Variants in AP3B1 observed in about 807,000 individuals in gnomAD.
AP3B1 encodes the protein adaptor related protein complex 3 subunit beta 1.
Under a neutral mutation model 132.5 loss-of-function variants are expected in AP3B1, and 61 were observed. The observed-to-expected ratio is 0.46, with a 90% CI of 0.37 to 0.57. The LOEUF is 0.57. Among genes scored for constraint, AP3B1 ranks in the 20% least tolerant of loss-of-function variants. The probability of loss-of-function intolerance (pLI) is 0.00; values close to 1 mark genes in which losing one functional copy is unlikely to be tolerated. For synonymous variants in AP3B1, 388 were observed against 438.3 expected (o/e 0.89, Z 1.43); for missense variants, 1,120 against 1,289.4 (o/e 0.87, Z 2.01).
intron 22 of AP3B1, among the ~76,000 whole-genome samples, chr5:78,048,717 G>A (rs1748449899): frequency 6.6e-6 from 1 of 152,192 alleles, no homozygotes; most frequent in African/African-American, 2.4e-5. Flanking sequence ...GATGGTTCTT[G>A]ATGCCCAGAC....
chr5:78,186,996 C>T (rs1040608442), intron 7 of AP3B1, among the ~76,000 whole-genome samples: 13 of 152,134 alleles, frequency 8.5e-5, no homozygotes, highest in African/African-American at 3.1e-4. Flanking sequence ...AAAATTTATA[C>T]TCTTTGAAAA....
intron 22 of AP3B1, among the ~76,000 whole-genome samples, chr5:78,069,346 G>C (rs1749433250): frequency 6.6e-6 from 1 of 152,180 alleles, no homozygotes; most frequent in Non-Finnish European, 1.5e-5. Flanking sequence ...CTTATATCTA[G>C]AAAACCCATC....
At chr5:78,029,225 T>C (rs1323747881) in intron 24 of AP3B1, among the ~76,000 whole-genome samples, 1 of 152,226 alleles carries the variant, frequency 6.6e-6, no homozygotes, top group African/African-American at 2.4e-5. Context: ...AGTATTTGTA[T>C]TGTTTTCTGC....
chr5:78,146,661 T>TGATCC (rs1753410591), intron 14 of AP3B1, among the ~76,000 whole-genome samples: 2 of 152,172 alleles, frequency 1.3e-5, no homozygotes, highest in Admixed American at 1.3e-4. Context: ...TGATCCCTCT[T>TGATCC]CTGTTTTGAT....
chr5:78,108,871 T>C (rs939343843), intron 20 of AP3B1, among the ~76,000 whole-genome samples: 2 of 152,146 alleles, frequency 1.3e-5, no homozygotes, highest in African/African-American at 4.8e-5. Context: ...ACAGAGGCAC[T>C]GAAGTCTATA....
intron 24 of AP3B1, among the ~76,000 whole-genome samples, chr5:78,024,561 A>ATTTTTTT (rs70997962): frequency 1.8e-5 from 2 of 113,478 alleles, no homozygotes; most frequent in Non-Finnish European, 3.5e-5. Flanking sequence ...AGCTAATTTA[A>ATTTTTTT]TTTTTTTTTT....
intron 3 of AP3B1, among the ~76,000 whole-genome samples, chr5:78,237,304 T>C (rs1404464552): frequency 6.6e-6 from 1 of 151,924 alleles, no homozygotes; most frequent in Non-Finnish European, 1.5e-5. Flanking sequence ...AACACCAGCC[T>C]GGGCAACATG....
chr5:78,094,718 T>C (rs967469624), intron 21 of AP3B1, among the ~76,000 whole-genome samples: 1 of 152,116 alleles, frequency 6.6e-6, no homozygotes, highest in African/African-American at 2.4e-5. Flanking sequence ...TATCACTCTG[T>C]CACCCAGGCT....
chr5:78,280,592 T>C (rs1180021498), intron 1 of AP3B1, among the ~76,000 whole-genome samples: 1 of 152,206 alleles, frequency 6.6e-6, no homozygotes, highest in Non-Finnish European at 1.5e-5. Context: ...AAGAAATTCA[T>C]AAACTATAGT....
At chr5:78,168,826 T>A (rs1446126400) in intron 11 of AP3B1, among the ~76,000 whole-genome samples, 1 of 152,228 alleles carries the variant, frequency 6.6e-6, no homozygotes, top group Non-Finnish European at 1.5e-5. Flanking sequence ...TATCACATAC[T>A]GTATTAAGTT....
chr5:78,022,289 A>G (rs1295095367), intron 24 of AP3B1, among the ~76,000 whole-genome samples: 3 of 152,188 alleles, frequency 2.0e-5, no homozygotes, highest in Non-Finnish European at 4.4e-5. Flanking sequence ...CGGGAGGGAA[A>G]GAAATTACAC....
At chr5:78,148,577 T>C (rs1753512883) in intron 14 of AP3B1, among the ~76,000 whole-genome samples, 1 of 152,196 alleles carries the variant, frequency 6.6e-6, no homozygotes, top group Non-Finnish European at 1.5e-5. Flanking sequence ...TTCCTGAATA[T>C]TCAATGTTTT....
intron 24 of AP3B1, among the ~76,000 whole-genome samples, chr5:78,033,238 T>C (rs542766528): frequency 6.6e-6 from 1 of 152,172 alleles, no homozygotes; most frequent in East Asian, 1.9e-4. Flanking sequence ...TTGATCTGTG[T>C]TGTTTGTCTA....
intron 13 of AP3B1, among the ~76,000 whole-genome samples, chr5:78,160,900 A>T (rs547596160): frequency 6.6e-6 from 1 of 152,114 alleles, no homozygotes; most frequent in African/African-American, 2.4e-5. Context: ...AGTGTAGCAT[A>T]TGTGATACAG....
chr5:78,180,862 G>A (rs1161899042), intron 8 of AP3B1, among the ~76,000 whole-genome samples: 2 of 151,846 alleles, frequency 1.3e-5, no homozygotes, highest in Non-Finnish European at 2.9e-5. Flanking sequence ...TTGCTAGCCT[G>A]TAATTTCTAA....
At chr5:78,188,154 G>A (rs960072064) in intron 7 of AP3B1, among the ~76,000 whole-genome samples, 11 of 152,162 alleles carry the variant, frequency 7.2e-5, no homozygotes, top group Non-Finnish European at 8.8e-5. Context: ...AGGCAATACC[G>A]TTCAGGACAT....
At chr5:78,186,885 A>T (rs1561465355) in intron 7 of AP3B1, among the ~76,000 whole-genome samples, 1 of 152,220 alleles carries the variant, frequency 6.6e-6, no homozygotes, top group Non-Finnish European at 1.5e-5. Context: ...TTTCATCAAA[A>T]GTACAACTTT....
intron 7 of AP3B1, among the ~76,000 whole-genome samples, chr5:78,215,039 C>T (rs1745899695): frequency 2.6e-5 from 4 of 151,986 alleles, no homozygotes; most frequent in African/African-American, 9.7e-5. Flanking sequence ...TAGTGATCAA[C>T]ATTTTATAAT....
At chr5:78,099,163 C>T (rs1487220961) in intron 21 of AP3B1, among the ~76,000 whole-genome samples, 1 of 152,212 alleles carries the variant, frequency 6.6e-6, no homozygotes, top group African/African-American at 2.4e-5. Context: ...CACCTATCAT[C>T]AAATACGCTG....
Sources: gnomAD v4.1 joint callset for allele counts (sites outside exome capture counted in the v4.1 genomes callset) on GRCh38, gnomAD v4.1.1 for gene constraint, MANE v1.5 for transcripts, NCBI Gene and HGNC (gene_info 2026-07-23, HGNC 2026-07-21) for gene names.